ZNF432: variants seen among roughly 807,000 people sequenced by gnomAD.
The protein encoded by ZNF432 is zinc finger protein 432.
A neutral mutation model predicts 13.9 loss-of-function variants in ZNF432; 10 were observed. The observed-to-expected ratio is 0.72, with a 90% CI of 0.44 to 1.22. ZNF432 has a LOEUF of 1.22. ZNF432 is among the 50% of genes most tolerant of loss of function. ZNF432 has a pLI of 0.00. For synonymous variants in ZNF432, 247 were observed against 256.2 expected (o/e 0.96, Z 0.34); for missense variants, 793 against 796.2 (o/e 1.00, Z 0.05).
chr19:52,039,029 C>G (rs1036711234), intron 4 of ZNF432, among the ~76,000 whole-genome samples: 5 of 152,258 alleles, frequency 3.3e-5, no homozygotes, highest in Admixed American at 3.3e-4. Flanking sequence ...GCCATGTGGG[C>G]TGTATGTGAC....
intron 3 of ZNF432, among the ~76,000 whole-genome samples, chr19:52,041,098 C>G (rs1273268816): frequency 6.6e-6 from 1 of 151,936 alleles, no homozygotes; most frequent in Non-Finnish European, 1.5e-5. Context: ...GAGACACTGT[C>G]TCTAAAGAAA....
chr19:52,038,451 C>T lies in ZNF432; in HGVS notation c.238+2037G>A, dbSNP rs144168892. ...GATTACAGGCATGTGCCACCATGCC[C>T]GGCTAATTTTGTATTTTTAGTAGAG... is the stretch of plus-strand genomic sequence containing the variant. On this transcript the variant is annotated intron_variant, in intron 4 of 4. Transcript: ENST00000221315. Among the ~76,000 whole-genome samples the T allele has an allele frequency of 8.0e-3, 1,219 of 152,228 alleles. 19 individuals are homozygous for T. The highest frequency in any genetic ancestry group is 0.028 in the African/African-American group (1,169 of 41,518).
At position 52,034,456 on chromosome 19, in the gene ZNF432, T is replaced by G. The variant is rs1294075222; in HGVS notation, c.1223A>C (p.Lys408Thr). ...EKPYICSECG[K>T]GFPRKSNLIV... ...AAGATTACTCTTCCTGGGAAAGCCTTTTCCACATTCACTGCATATGTAGGG... is the reference window on the plus strand; with the variant it reads ...AAGATTACTCTTCCTGGGAAAGCCTGTTCCACATTCACTGCATATGTAGGG... Residue 408 changes from lysine to threonine, a missense_variant, in exon 5 of 5, where the codon AAA becomes ACA. Coordinates refer to ENST00000221315, the MANE Select transcript of ZNF432 (RefSeq NM_014650.4). 3.7e-6 allele frequency: 6 copies of G among 1,613,998 alleles called. No homozygotes were observed. The Admixed American group carries it at 8.3e-5, about 22-fold the overall frequency.
chr19:52,033,092 GTTAC>G lies in ZNF432; in HGVS notation c.*624_*627del, dbSNP rs1390704702. On this transcript the variant is annotated 3_prime_UTR_variant, in exon 5 of 5. Coordinates refer to ENST00000221315, the MANE Select transcript of ZNF432 (RefSeq NM_014650.4). The stretch of plus-strand genomic sequence containing the variant: ...CTCAGTAAATACTTTTCAAGACATA[GTTAC>G]TTAGAAAATTTTCAAGACTTTTCTG... 6.6e-6 allele frequency: 1 copy of G among 152,242 alleles called. No homozygotes were observed. The highest frequency in any genetic ancestry group is 2.4e-5 in the African/African-American group (1 of 41,432). 9.4% of individuals were successfully genotyped at this position (152,242 alleles called of 1,614,324 possible). A position where few individuals can be genotyped will look rare whatever the true frequency, so the allele number is the denominator to read the frequency against.
rs2123142544 is a variant in ZNF432, at chr19:52,034,201, C to A, written c.1478G>T (p.Gly493Val). 1 of 1,614,064 alleles carries A rather than the reference C, an allele frequency of 6.2e-7. No individual in the cohort carries two copies. The highest frequency in any genetic ancestry group is 8.5e-7 in the Non-Finnish European group (1 of 1,180,002). Residue 493 changes from glycine (G) to valine (V), a missense_variant, in exon 5 of 5, where the codon GGT becomes GTT. By Grantham distance (109) the Gly-to-Val change is moderately radical (BLOSUM62 -3). Transcript: ENST00000221315. ...CATCAGTCCGCTATTCACAATGAAA[C>A]CTTTCCCACATTCACTGCACCTGTA... ...KPYRCSECGK[G>V]FIVNSGLMLH...
At chr19:52,040,290 T>C in intron 4 of ZNF432, 198 bp downstream of exon 4, 4 of 598,436 alleles carry the variant, frequency 6.7e-6, no homozygotes, top group Non-Finnish European at 1.2e-5. Context: ...GGACATTCAA[T>C]ACAACACCAG....
chr19:52,046,723 T>G, intron 2 of ZNF432, 131 bp downstream of exon 2: 1 of 886,672 alleles, frequency 1.1e-6, no homozygotes. Context: ...ACTATATTCC[T>G]GATCTTACTT....
At chr19:52,044,645 G>A (rs948396073) in intron 2 of ZNF432, among the ~76,000 whole-genome samples, 7 of 152,144 alleles carry the variant, frequency 4.6e-5, no homozygotes, top group African/African-American at 1.7e-4. Flanking sequence ...CACCTGTGAT[G>A]AGGAAAATGC....
rs749214090 is a variant in ZNF432 at position 52,035,432 on chromosome 19, C to T, written c.247G>A (p.Glu83Lys). 3.1e-5 allele frequency: 47 copies of T among 1,536,560 alleles called. No individual in the cohort carries two copies. Among genetic ancestry groups the T allele is most frequent in the Middle Eastern group, 1.7e-4 (1 of 5,774 alleles). ...TGATCCTGCAGATGATCATCAACTTCGTTGTTTTCTAGGAAAGAAGAGAAC... is the reference window on the plus strand; with the variant it reads ...TGATCCTGCAGATGATCATCAACTTTGTTGTTTTCTAGGAAAGAAGAGAAC... ...RHSRICPENN[E>K]VDDHLQDHLE... The change falls in exon 5 of 5, where the codon GAA (glutamate) becomes AAA (lysine). Residue 83 changes from glutamate to lysine, a missense_variant. Physicochemically the swap from Glu to Lys is moderately conservative, Grantham distance 56. Coordinates refer to ENST00000221315, the MANE Select transcript of ZNF432 (RefSeq NM_014650.4).
intron 4 of ZNF432, among the ~76,000 whole-genome samples, chr19:52,036,048 CA>C (rs1236121327): frequency 1.3e-5 from 2 of 152,154 alleles, no homozygotes; most frequent in East Asian, 3.8e-4. Context: ...AAAATACAAG[CA>C]AGTCATTATT....
chr19:52,037,467 G>C (rs575866922), intron 4 of ZNF432, among the ~76,000 whole-genome samples: 1 of 152,096 alleles, frequency 6.6e-6, no homozygotes, highest in South Asian at 2.1e-4. Flanking sequence ...TATGAAAACT[G>C]TCATTTTCTT....
At chr19:52,044,350 C>T (rs998293011) in intron 2 of ZNF432, among the ~76,000 whole-genome samples, 9 of 150,122 alleles carry the variant, frequency 6.0e-5, no homozygotes, top group East Asian at 5.8e-4. Context: ...GAAGCAAATA[C>T]GAAATATATT....
chr19:52,035,316 A>G lies in ZNF432; in HGVS notation c.363T>C (p.Cys121=). ...ATGTATCATGATTTTCCCTGAAAAG[A>G]CAAAGGCTTTTGGTTTGAGAGGCAG... The part of the protein sequence containing the change: ...GNTASQTKSL[C]LFRENHDTFE... Residue 121 remains cysteine, a synonymous_variant, in exon 5 of 5, where the codon TGT becomes TGC. Transcript: ENST00000221315. 6.2e-7 allele frequency: 1 copy of G among 1,612,930 alleles called. No homozygotes were observed. Among genetic ancestry groups the G allele is most frequent in the Non-Finnish European group, 8.5e-7 (1 of 1,179,748 alleles).
chr19:52,037,729 G>T (rs77967317), intron 4 of ZNF432, among the ~76,000 whole-genome samples: 7,515 of 149,194 alleles, frequency 0.05, 539 homozygotes, highest in East Asian at 0.36. Flanking sequence ...GGTTGAGGCT[G>T]CAGTGAGCCA....
rs1181039443 is a variant in ZNF432, at chr19:52,046,850, T to C, written c.15+4A>G. The C allele has an allele frequency of 6.2e-7, 1 of 1,613,674 alleles. No individual in the cohort carries two copies. Among genetic ancestry groups the C allele is most frequent in the Admixed American group, 1.7e-5 (1 of 59,948 alleles). On this transcript the variant is annotated splice_donor_region_variant and intron_variant, in intron 2 of 4. Coordinates refer to ENST00000221315, the MANE Select transcript of ZNF432 (RefSeq NM_014650.4). The stretch of plus-strand genomic sequence containing the variant: ...AGGAGAGAATAAAATAGAGAAAAAG[T>C]CACCTGGGCATTGATCATTTTCTTC...
chr19:52,039,265 AG>A (rs2087111842), intron 4 of ZNF432, among the ~76,000 whole-genome samples: 1 of 152,270 alleles, frequency 6.6e-6, no homozygotes, highest in Admixed American at 6.5e-5. Context: ...TTCCTAAAAA[AG>A]TTGTACATGA....
rs1447374170 is a variant in ZNF432, at chr19:52,033,124, T to C, written c.*596A>G. On this transcript the variant is annotated 3_prime_UTR_variant, in exon 5 of 5. Transcript: ENST00000221315. ...AGAAAATTTTCAAGACTTTTCTGCA[T>C]TGGATGTATCAAGTTTATTTCCTAC... The C allele has an allele frequency of 2.0e-5, 3 of 152,386 alleles. No individual in the cohort carries two copies. The highest frequency in any genetic ancestry group is 4.4e-5 in the Non-Finnish European group (3 of 68,148). The allele number at this position is 152,386 out of a possible 1,614,324, so 9.4% of individuals were successfully genotyped here.
At chr19:52,048,182 C>CACACAA (rs1482172095) in intron 1 of ZNF432, among the ~76,000 whole-genome samples, 18 of 146,308 alleles carry the variant, frequency 1.2e-4, no homozygotes, top group East Asian at 1.2e-3. Context: ...CACACACACA[C>CACACAA]AAAACCAGCC....
chr19:52,041,129 T>C (rs564846880), intron 3 of ZNF432, among the ~76,000 whole-genome samples: 2 of 151,990 alleles, frequency 1.3e-5, no homozygotes, highest in Non-Finnish European at 2.9e-5. Flanking sequence ...ATAAATTAAT[T>C]AAAACATATA....
Sources: gnomAD v4.1 joint callset for allele counts (sites outside exome capture counted in the v4.1 genomes callset) on GRCh38, gnomAD v4.1.1 for gene constraint, MANE v1.5 for transcripts, NCBI Gene and HGNC (gene_info 2026-07-23, HGNC 2026-07-21) for gene names.